The following C12orf54 variants were observed in gnomAD, a reference collection of about 807,000 sequenced individuals.
The protein encoded by C12orf54 is uncharacterized protein C12orf54.
In C12orf54, 24 loss-of-function variants were observed where a neutral mutation model predicts 26.4. That is an observed-to-expected ratio of 0.91 (90% CI 0.66 to 1.28). C12orf54 has a LOEUF of 1.28. Among genes scored for constraint, C12orf54 ranks in the 50% most tolerant of loss-of-function variants. C12orf54 has a pLI of 0.00. For missense variants in C12orf54, 154 were observed against 150.9 expected (o/e 1.02, Z -0.11); for synonymous variants, 54 against 47.0 (o/e 1.15, Z -0.61).
At chr12:48,447,209 A>ACT in the C12orf54 span, among the ~76,000 whole-genome samples, 1 of 64,486 alleles carries the variant, frequency 1.6e-5, no homozygotes, top group African/African-American at 6.5e-5. Context: ...TCTCTCTCTT[A>ACT]CTCTGTGTGT....
At chr12:48,419,547 G>A in the C12orf54 span, among the ~76,000 whole-genome samples, 3 of 152,162 alleles carry the variant, frequency 2.0e-5, no homozygotes, top group Non-Finnish European at 2.9e-5. Context: ...GAATATGTTA[G>A]TGAATAGAGA....
At chr12:48,476,994 A>C in the C12orf54 span, among the ~76,000 whole-genome samples, 1 of 152,206 alleles carries the variant, frequency 6.6e-6, no homozygotes, top group Non-Finnish European at 1.5e-5. Context: ...ACATAGTTGG[A>C]AGTAAAGCAC....
At chr12:48,425,797 T>G in the C12orf54 span, among the ~76,000 whole-genome samples, 1 of 152,156 alleles carries the variant, frequency 6.6e-6, no homozygotes, top group African/African-American at 2.4e-5. Context: ...GGTATCTCAT[T>G]GTGGTTTTCA....
intron 4 of C12orf54, among the ~76,000 whole-genome samples, chr12:48,488,705 G>A (rs1937715351): frequency 6.6e-6 from 1 of 152,120 alleles, no homozygotes; most frequent in Non-Finnish European, 1.5e-5. Flanking sequence ...ACTGTATTTT[G>A]CTCATTTACC....
the C12orf54 span, chr12:48,473,517 A>G: frequency 2.6e-6 from 1 of 377,598 alleles, no homozygotes; most frequent in South Asian, 2.4e-5. Flanking sequence ...TTTTTTTCTG[A>G]TTGTAACGTT....
At chr12:48,439,679 T>C in the C12orf54 span, among the ~76,000 whole-genome samples, 1 of 151,970 alleles carries the variant, frequency 6.6e-6, no homozygotes, top group Non-Finnish European at 1.5e-5. Flanking sequence ...TTCTCACTCA[T>C]AGGTGGGAAT....
At chr12:48,487,837 C>G in intron 4 of C12orf54, 1 of 491,652 alleles carries the variant, frequency 2.0e-6, no homozygotes, top group Non-Finnish European at 3.6e-6. Context: ...GGAGACAACC[C>G]ACAGTTCCAA....
the C12orf54 span, among the ~76,000 whole-genome samples, chr12:48,446,494 A>C: frequency 6.6e-6 from 1 of 152,230 alleles, no homozygotes; most frequent in African/African-American, 2.4e-5. Context: ...GCCATTCAGA[A>C]GGGCTGCTGG....
chr12:48,448,668 A>C, the C12orf54 span, among the ~76,000 whole-genome samples: 1 of 152,198 alleles, frequency 6.6e-6, no homozygotes, highest in Non-Finnish European at 1.5e-5. Context: ...TTTCCTTGTC[A>C]TATTGCATTA....
chr12:48,436,697 T>C, the C12orf54 span, among the ~76,000 whole-genome samples: 4 of 152,190 alleles, frequency 2.6e-5, no homozygotes, highest in Non-Finnish European at 5.9e-5. Context: ...AAGATGTTCT[T>C]TGAAACCAAC....
At chr12:48,415,379 A>G in the C12orf54 span, among the ~76,000 whole-genome samples, 1 of 152,142 alleles carries the variant, frequency 6.6e-6, no homozygotes, top group African/African-American at 2.4e-5. Context: ...TTTTCAACTT[A>G]TCCTAGCTAG....
chr12:48,471,810 T>C, the C12orf54 span, among the ~76,000 whole-genome samples: 1 of 152,218 alleles, frequency 6.6e-6, no homozygotes. Context: ...TACTTGGGGC[T>C]ACTTTTGCTA....
chr12:48,419,090 T>C, the C12orf54 span, among the ~76,000 whole-genome samples: 2 of 152,190 alleles, frequency 1.3e-5, no homozygotes, highest in Non-Finnish European at 2.9e-5. Context: ...CACAGGGAAC[T>C]CAAATTACCT....
At chr12:48,494,052 C>G (rs2731110) in intron 7 of C12orf54, among the ~76,000 whole-genome samples, 19,455 of 77,846 alleles carry the variant, frequency 0.25, 3,961 homozygotes, top group East Asian at 0.66. Context: ...AACCCCGTCT[C>G]TACTAAAAAT....
chr12:48,447,559 A>G, the C12orf54 span, among the ~76,000 whole-genome samples: 1 of 152,182 alleles, frequency 6.6e-6, no homozygotes, highest in Non-Finnish European at 1.5e-5. Flanking sequence ...GTAGGAAATT[A>G]TAGAACTGAA....
intron 2 of C12orf54, among the ~76,000 whole-genome samples, chr12:48,485,524 G>A (rs1368059628): frequency 6.6e-6 from 1 of 152,158 alleles, no homozygotes; most frequent in Non-Finnish European, 1.5e-5. Flanking sequence ...CTCAGGATCA[G>A]CGAGCATGGT....
the C12orf54 span, among the ~76,000 whole-genome samples, chr12:48,443,637 C>T: frequency 1.3e-5 from 2 of 152,108 alleles, no homozygotes; most frequent in East Asian, 1.9e-4. Context: ...CTCCATGCCC[C>T]GTTTAATCTA....
At chr12:48,466,802 C>G in the C12orf54 span, among the ~76,000 whole-genome samples, 1 of 152,054 alleles carries the variant, frequency 6.6e-6, no homozygotes, top group Non-Finnish European at 1.5e-5. Context: ...TATACAACCC[C>G]TACCATATGT....
chr12:48,456,937 C>T, the C12orf54 span, among the ~76,000 whole-genome samples: 1 of 151,868 alleles, frequency 6.6e-6, no homozygotes, highest in Non-Finnish European at 1.5e-5. Context: ...ATTATGAGGA[C>T]CAGTCTGCCA....
Sources: gnomAD v4.1 joint callset for allele counts (sites outside exome capture counted in the v4.1 genomes callset) on GRCh38, gnomAD v4.1.1 for gene constraint, MANE v1.5 for transcripts, NCBI Gene and HGNC (gene_info 2026-07-23, HGNC 2026-07-21) for gene names.